The following BAIAP2 variants were observed in gnomAD, a reference collection of about 807,000 sequenced individuals.
BAIAP2 encodes BAR/IMD domain containing adaptor protein 2.
In BAIAP2, 18 loss-of-function variants were observed where a neutral mutation model predicts 63.0. That is an observed-to-expected ratio of 0.29 (90% CI 0.20 to 0.42). The LOEUF is 0.42. Ranked by LOEUF, BAIAP2 falls within the 10% of genes least tolerant of loss-of-function variation. The probability of loss-of-function intolerance (pLI) is 1.00; values close to 1 mark genes in which losing one functional copy is unlikely to be tolerated. For synonymous variants in BAIAP2, 386 were observed against 307.6 expected, an observed-to-expected ratio of 1.25 and a Z score of -2.67; for missense variants, 610 against 734.3, an observed-to-expected ratio of 0.83 and a Z score of 1.96.
intron 3 of BAIAP2, among the ~76,000 whole-genome samples, chr17:81,062,613 C>G (rs981738659): frequency 6.6e-6 from 1 of 152,128 alleles, no homozygotes; most frequent in Non-Finnish European, 1.5e-5. Context: ...GGGTCAGAGC[C>G]CCGTGTTTTC....
chr17:81,065,360 A>G (rs2051281978), intron 3 of BAIAP2, among the ~76,000 whole-genome samples: 2 of 152,058 alleles, frequency 1.3e-5, no homozygotes, highest in South Asian at 4.1e-4. Flanking sequence ...AATCTGGGGA[A>G]TTTGCTAAGA....
At chr17:81,036,169 C>T (rs1013240983) in intron 1 of BAIAP2, 1 of 150,740 alleles carries the variant, frequency 6.6e-6, no homozygotes, top group South Asian at 2.2e-4. Flanking sequence ...TCTCTTTCTT[C>T]AGCATCCGTT....
intron 1 of BAIAP2, among the ~76,000 whole-genome samples, chr17:81,044,804 G>A (rs986109710): frequency 6.6e-6 from 1 of 152,250 alleles, no homozygotes; most frequent in Admixed American, 6.5e-5. Flanking sequence ...CACGGGGACA[G>A]CTGATTCTAT....
At chr17:81,100,224 G>A (rs1031207977) in intron 7 of BAIAP2, 144 bp downstream of exon 7, 3 of 1,239,488 alleles carry the variant, frequency 2.4e-6, no homozygotes, top group Middle Eastern at 2.8e-4. Flanking sequence ...TTTCTTGGGG[G>A]TGAAGTTCTG....
chr17:81,041,475 C>T (rs889453076), intron 1 of BAIAP2, among the ~76,000 whole-genome samples: 1 of 152,198 alleles, frequency 6.6e-6, no homozygotes, highest in Admixed American at 6.5e-5. Context: ...GGTGCTTTTG[C>T]TCTTGCTTAG....
chr17:81,110,888 C>T, intron 13 of BAIAP2: 1 of 1,613,738 alleles, frequency 6.2e-7, no homozygotes, highest in Non-Finnish European at 8.5e-7. Context: ...ATGCTGCCTC[C>T]AACTGAGCCT....
intron 1 of BAIAP2, among the ~76,000 whole-genome samples, chr17:81,038,662 T>G (rs1445413057): frequency 1.3e-5 from 2 of 152,176 alleles, no homozygotes; most frequent in Non-Finnish European, 2.9e-5. Context: ...TCTGGTGTGA[T>G]TGGTAAGGGC....
At chr17:81,037,001 C>T (rs1207446654) in intron 1 of BAIAP2, 8 of 1,488,396 alleles carry the variant, frequency 5.4e-6, no homozygotes, top group South Asian at 3.6e-5. Context: ...GGACCGACCC[C>T]GTGATCGTCC....
At chr17:81,067,305 G>GC (rs1296200491) in intron 3 of BAIAP2, among the ~76,000 whole-genome samples, 5 of 152,340 alleles carry the variant, frequency 3.3e-5, no homozygotes, top group African/African-American at 1.2e-4. Flanking sequence ...GATCTTTCAG[G>GC]CCCCCACCGC....
At chr17:81,073,543 T>C (rs1038234564) in intron 3 of BAIAP2, among the ~76,000 whole-genome samples, 23 of 152,142 alleles carry the variant, frequency 1.5e-4, no homozygotes, top group African/African-American at 5.1e-4. Flanking sequence ...AGTCAAGCAT[T>C]TGGGGACCCT....
In BAIAP2 at chr17:81,116,028, G is replaced by GC. The variant is rs1183231112; in HGVS notation, c.*193dup. ...CAGGGCCGGGCAGAGTGGGGCGCAGGCCCCTGAAGGGCGAGACCCAGTGGC... is the reference window on the plus strand; with the variant it reads ...CAGGGCCGGGCAGAGTGGGGCGCAGGCCCCCTGAAGGGCGAGACCCAGTGGC... On this transcript the variant is annotated 3_prime_UTR_variant, in exon 14 of 14. Transcript: ENST00000428708. 2.1e-6 allele frequency: 3 copies of GC among 1,457,210 alleles called. No individual in the cohort carries two copies. The East Asian group carries it at 7.5e-5, about 36-fold the overall frequency. The allele number at this position is 1,457,210 out of a possible 1,614,324, so 90.3% of individuals were successfully genotyped here.
intron 12 of BAIAP2, 30 bp downstream of exon 12, chr17:81,106,937 G>T: frequency 1.4e-6 from 2 of 1,477,098 alleles, no homozygotes; most frequent in South Asian, 1.4e-5. Context: ...GCTGGGAGGG[G>T]CCCGCAGGTG....
At chr17:81,085,264 T>C (rs1012880225) in intron 4 of BAIAP2, 7 of 494,948 alleles carry the variant, frequency 1.4e-5, no homozygotes, top group African/African-American at 1.4e-4. Flanking sequence ...AGCACGTTGC[T>C]GGCGGCTGGT....
intron 6 of BAIAP2, among the ~76,000 whole-genome samples, chr17:81,088,401 C>T (rs2056099155): frequency 6.6e-6 from 1 of 152,212 alleles, no homozygotes; most frequent in African/African-American, 2.4e-5. Context: ...AGATATAATT[C>T]ACATCACCAG....
chr17:81,053,427 C>T (rs753254224), intron 1 of BAIAP2: 16 of 549,334 alleles, frequency 2.9e-5, no homozygotes, highest in Admixed American at 9.6e-5. Context: ...CCTCTGCGGC[C>T]GGGTTTCTTC....
rs532382372 is a variant in BAIAP2 at position 81,086,588 on chromosome 17, C to T, written c.489+8C>T. On this transcript the variant is annotated splice_region_variant and intron_variant, in intron 6 of 13. Coordinates refer to ENST00000428708, the MANE Select transcript of BAIAP2 (RefSeq NM_001144888.2). Reference sequence around the variant, plus strand: ...TCGGACAAGGAGCTGCAGGTAGGCCCGCCACCCCCGCTGTGGTGCCTCTCC... The same window carrying T: ...TCGGACAAGGAGCTGCAGGTAGGCCTGCCACCCCCGCTGTGGTGCCTCTCC... The T allele has an allele frequency of 1.1e-5, 17 of 1,612,348 alleles. No individual in the cohort carries two copies. Among genetic ancestry groups the T allele is most frequent in the South Asian group, 2.2e-5 (2 of 91,026 alleles).
At chr17:81,085,026 T>C (rs893305828) in intron 4 of BAIAP2, 133 bp downstream of exon 4, 1 of 901,056 alleles carries the variant, frequency 1.1e-6, no homozygotes, top group Non-Finnish European at 1.8e-6. Flanking sequence ...GGAGGGACCC[T>C]GGCTCAGCAC....
rs369353973 is a variant in BAIAP2, at chr17:81,103,874, C to T, written c.865-33C>T. On this transcript the variant is annotated intron_variant, in intron 8 of 13. Transcript: ENST00000428708. ...CCCTGGTCTTGCCCGGGGTGGGCTCCAGCAACAGCCTGCTCTGCCTGCTTC... is the reference window on the plus strand; with the variant it reads ...CCCTGGTCTTGCCCGGGGTGGGCTCTAGCAACAGCCTGCTCTGCCTGCTTC... 3 of 1,609,810 alleles carry T rather than the reference C, an allele frequency of 1.9e-6. No homozygotes were observed. In the African/African-American group the frequency reaches 4.0e-5, roughly 21 times the overall value.
chr17:81,076,061 G>C (rs1032252118), intron 3 of BAIAP2, among the ~76,000 whole-genome samples: 1 of 152,110 alleles, frequency 6.6e-6, no homozygotes, highest in South Asian at 2.1e-4. Flanking sequence ...CTCCTGCTGG[G>C]GTCAGGGGCA....
Sources: allele counts gnomAD v4.1 joint callset (sites outside exome capture counted in the v4.1 genomes callset), GRCh38; gene constraint gnomAD v4.1.1; transcripts MANE v1.5; gene names NCBI Gene and HGNC (gene_info 2026-07-23, HGNC 2026-07-21).